PLXNB1: variants seen among roughly 807,000 people sequenced by gnomAD.
PLXNB1 encodes plexin-B1.
PLXNB1 carries 106 observed loss-of-function variants against 209.4 expected under a neutral mutation model. The ratio of observed to expected loss-of-function variants is 0.51; its 90% CI spans 0.43 to 0.59. The LOEUF is 0.59. Ranked by LOEUF, PLXNB1 falls within the 20% of genes least tolerant of loss-of-function variation. PLXNB1 has a pLI of 0.00. For missense variants in PLXNB1, 2,357 were observed against 2,853.2 expected (o/e 0.83, Z 3.96); for synonymous variants, 1,167 against 1,183.2 (o/e 0.99, Z 0.28).
chr3:48,420,242 G>C lies in PLXNB1; in HGVS notation c.2044C>G (p.Pro682Ala). The change falls in exon 11 of 38, where the codon CCA becomes GCA. Residue 682 changes from proline (P) to alanine (A), a missense_variant. Coordinates refer to ENST00000296440, the MANE Select transcript of PLXNB1 (RefSeq NM_001130082.3). ...VASHQSPLVS[P>A]DPPARGGPSP... ...GGTCCACCTCTTGCAGGAGGGTCTGGGGAGACAAGCGGGCTCTGAAGGGGG... is the reference window on the plus strand; with the variant it reads ...GGTCCACCTCTTGCAGGAGGGTCTGCGGAGACAAGCGGGCTCTGAAGGGGG... The C allele has an allele frequency of 6.5e-7, 1 of 1,547,080 alleles. No individual in the cohort carries two copies. The highest frequency in any genetic ancestry group is 8.7e-7 in the Non-Finnish European group (1 of 1,145,628).
rs868559987 is a variant in PLXNB1, at chr3:48,419,822, T to C, written c.2464A>G (p.Thr822Ala). The change falls in exon 11 of 38, where the codon ACT becomes GCT. Residue 822 changes from threonine to alanine, a missense_variant. By Grantham distance (58) the Thr-to-Ala change is moderately conservative (BLOSUM62 0). Around this residue, in one of 7 missense-constraint regions of PLXNB1, gnomAD observed 410 missense variants for 401.0 expected, o/e 1.02. Coordinates refer to ENST00000296440, the MANE Select transcript of PLXNB1 (RefSeq NM_001130082.3). This position sits in a 1 kb window ranked among gnomAD's most constrained non-coding sequence, Gnocchi z 5.7. ...PTVPLDLPPATVPATTFPGAM... is the reference protein window; with the variant it reads ...PTVPLDLPPAAVPATTFPGAM... ...CCTGGGAAAGTGGTGGCAGGAACAGTGGCAGGGGGCAGGTCCAGGGGCACT... is the reference window on the plus strand; with the variant it reads ...CCTGGGAAAGTGGTGGCAGGAACAGCGGCAGGGGGCAGGTCCAGGGGCACT... 1.3e-6 allele frequency: 2 copies of C among 1,584,080 alleles called. No individual in the cohort carries two copies. The highest frequency in any genetic ancestry group is 1.7e-6 in the Non-Finnish European group (2 of 1,164,024).
At position 48,420,776 on chromosome 3, in the gene PLXNB1, G is replaced by A. The variant is rs751274722; in HGVS notation, c.1920-3C>T. ...GGCTGCTCACACAGGCCTGGCACCT[G>A]CACAGAGCACAGCCATGGGGCAAGG... On this transcript the variant is annotated splice_polypyrimidine_tract_variant and splice_region_variant and intron_variant, in intron 9 of 37. Transcript: ENST00000296440. 6.2e-7 allele frequency: 1 copy of A among 1,613,780 alleles called. No individual in the cohort carries two copies. Among genetic ancestry groups the A allele is most frequent in the South Asian group, 1.1e-5 (1 of 91,066 alleles).
rs1389897056 is a variant in PLXNB1, at chr3:48,419,706, T to C, written c.2580A>G (p.Ala860=). 2 of 1,611,870 alleles carry C rather than the reference T, an allele frequency of 1.2e-6. No homozygotes were observed. Among genetic ancestry groups the C allele is most frequent in the Non-Finnish European group, 1.7e-6 (2 of 1,179,772 alleles). The change falls in exon 11 of 38, where the codon GCA becomes GCG. Residue 860 remains alanine, a synonymous_variant. Transcript: ENST00000296440. The surrounding 1 kb of genome is among the most constrained non-coding windows in gnomAD (Gnocchi z 5.7). ...GGAGGGTGGAAGTGGAGAAGGCGGG[T>C]GCGTCACCCCCCGTCCACTCGTCCG... ...PEADEWTGGD[A]PAFSTSTLLS...
At chr3:48,404,752 C>T (rs559001788) in intron 37 of PLXNB1, among the ~76,000 whole-genome samples, 162 bp from the exon 38 acceptor site, 11 of 152,168 alleles carry the variant, frequency 7.2e-5, no homozygotes, top group African/African-American at 2.4e-4. Context: ...GCCTCGCTGG[C>T]GGGAGGGGTA....
intron 1 of PLXNB1, among the ~76,000 whole-genome samples, chr3:48,425,916 C>T (rs1245544594): frequency 6.6e-5 from 10 of 152,084 alleles, no homozygotes; most frequent in South Asian, 4.2e-4. Flanking sequence ...TCAAACACCA[C>T]ATGAAGACAC....
At position 48,416,497 on chromosome 3, in the gene PLXNB1, C is replaced by A; in HGVS notation, c.3375-46G>T. ...AGGGGGTGCCAGGCTGCATCAAGGG[C>A]CCCTCAAGCTTACCTGGCAGCCCCT... On this transcript the variant is annotated intron_variant, in intron 16 of 37. Transcript: ENST00000296440. The surrounding 1 kb of genome is among the most constrained non-coding windows in gnomAD (Gnocchi z 4.1). The A allele has an allele frequency of 1.5e-6, 2 of 1,363,630 alleles. No homozygotes were observed. Among genetic ancestry groups the A allele is most frequent in the South Asian group, 1.2e-5 (1 of 80,276 alleles). The allele number at this position is 1,363,630 out of a possible 1,614,324, so 84.5% of individuals were successfully genotyped here. A position where few individuals can be genotyped will look rare whatever the true frequency, so the allele number is the denominator to read the frequency against.
Position 48,415,563 on chromosome 3 carries a change from C to A in PLXNB1, c.3794+20G>T, listed in dbSNP as rs2038029488. 2.6e-6 allele frequency: 4 copies of A among 1,551,336 alleles called. No homozygotes were observed. Among genetic ancestry groups the A allele is most frequent in the East Asian group, 2.3e-5 (1 of 42,578 alleles). ...GACCTCCCTGCCACCTGCCATGCAG[C>A]CACACCCCTGGCCCAACACCTGAGG... On this transcript the variant is annotated intron_variant, in intron 19 of 37. Coordinates refer to ENST00000296440, the MANE Select transcript of PLXNB1 (RefSeq NM_001130082.3). The surrounding 1 kb of genome is among the most constrained non-coding windows in gnomAD (Gnocchi z 5.0).
At position 48,419,557 on chromosome 3, in the gene PLXNB1, C is replaced by T. The variant is rs1395034942; in HGVS notation, c.2709+20G>A. 5 of 1,589,566 alleles carry T rather than the reference C, an allele frequency of 3.1e-6. No individual in the cohort carries two copies. Among genetic ancestry groups the T allele is most frequent in the Non-Finnish European group, 3.4e-6 (4 of 1,162,576 alleles). ...CCCACATCCCCTCCCCTGAGGCCTCCTTCCTGGGCTGGGCCTCACCAGCTC... is the reference window on the plus strand; with the variant it reads ...CCCACATCCCCTCCCCTGAGGCCTCTTTCCTGGGCTGGGCCTCACCAGCTC... On this transcript the variant is annotated intron_variant, in intron 11 of 37. Transcript: ENST00000296440. This position sits in a 1 kb window ranked among gnomAD's most constrained non-coding sequence, Gnocchi z 5.7.
At chr3:48,412,408 C>A (rs1187307373) in intron 26 of PLXNB1, 34 bp downstream of exon 26, 1 of 1,611,782 alleles carries the variant, frequency 6.2e-7, no homozygotes, top group African/African-American at 1.3e-5. Context: ...CTCCAGCTGT[C>A]CAGGGCCCAC....
At chr3:48,420,305 G>A in intron 10 of PLXNB1, 48 bp from the exon 11 acceptor site, 1 of 1,153,250 alleles carries the variant, frequency 8.7e-7, no homozygotes, top group South Asian at 1.4e-5. Context: ...CAGCAGGCAG[G>A]CGCGGGACAG....
chr3:48,410,236 C>T lies in PLXNB1; in HGVS notation c.5605+60G>A. 4 of 1,492,702 alleles carry T rather than the reference C, an allele frequency of 2.7e-6. No homozygotes were observed. Among genetic ancestry groups the T allele is most frequent in the Non-Finnish European group, 3.7e-6 (4 of 1,094,386 alleles). 92.5% of individuals were successfully genotyped at this position (1,492,702 alleles called of 1,614,324 possible). A position where few individuals can be genotyped will look rare whatever the true frequency, so the allele number is the denominator to read the frequency against. ...CCTGCCCTGAGGCCCAGAGGACCTT[C>T]CCCATGACTCCGGGCTGGGCACAGC... On this transcript the variant is annotated intron_variant, in intron 31 of 37. Coordinates refer to ENST00000296440, the MANE Select transcript of PLXNB1 (RefSeq NM_001130082.3). The surrounding 1 kb of genome is among the most constrained non-coding windows in gnomAD (Gnocchi z 6.4).
chr3:48,420,628 A>AC (rs763486178), intron 10 of PLXNB1, 37 bp downstream of exon 10: 26 of 1,540,346 alleles, frequency 1.7e-5, no homozygotes, highest in African/African-American at 1.4e-5. Context: ...GGGACCCCCA[A>AC]CCCCCCCGGT....
Position 48,420,225 on chromosome 3 carries a change from T to A in PLXNB1, c.2061A>T (p.Arg687Ser), listed in dbSNP as rs1240718097. 3.9e-6 allele frequency: 6 copies of A among 1,551,968 alleles called. No homozygotes were observed. Among genetic ancestry groups the A allele is most frequent in the Non-Finnish European group, 5.2e-6 (6 of 1,148,224 alleles). The change falls in exon 11 of 38, where the codon AGA (arginine) becomes AGT (serine). Residue 687 changes from arginine (R) to serine (S), a missense_variant. Around this residue, in one of 7 missense-constraint regions of PLXNB1, gnomAD observed 214 missense variants for 297.1 expected, o/e 0.72. Transcript: ENST00000296440. ...SPLVSPDPPA[R>S]GGPSPSPPTA... The stretch of plus-strand genomic sequence containing the variant: ...TGGGTGGGGAGGGGCTGGGTCCACC[T>A]CTTGCAGGAGGGTCTGGGGAGACAA...
At chr3:48,424,724 C>A (rs1560076708) in intron 2 of PLXNB1, 107 bp from the exon 3 acceptor site, 3 of 1,189,434 alleles carry the variant, frequency 2.5e-6, no homozygotes, top group Non-Finnish European at 1.2e-6. Flanking sequence ...CTCCTCCTAA[C>A]CTAGGGGGTG....
At position 48,416,216 on chromosome 3, in the gene PLXNB1, G is replaced by C. The variant is rs1325562675; in HGVS notation, c.3481-49C>G. 6.3e-7 allele frequency: 1 copy of C among 1,581,632 alleles called. No homozygotes were observed. The highest frequency in any genetic ancestry group is 8.6e-7 in the Non-Finnish European group (1 of 1,161,084). ...ATGAGCATCAGACCAGACACATGGA[G>C]GCAGGGACAGCCTGAGAGACAGGCT... On this transcript the variant is annotated intron_variant, in intron 17 of 37. Transcript: ENST00000296440. This position sits in a 1 kb window ranked among gnomAD's most constrained non-coding sequence, Gnocchi z 4.1.
Position 48,422,209 on chromosome 3 carries a change from A to T in PLXNB1, c.1420-4T>A, listed in dbSNP as rs9883759. ...AAGCCACAGGAACCTTCAGAAGCTG[A>T]GACAGCAAAGAGGACCTGAGGCCAG... On this transcript the variant is annotated splice_region_variant and splice_polypyrimidine_tract_variant and intron_variant, in intron 5 of 37. Transcript: ENST00000296440. The T allele has an allele frequency of 0.57, 921,591 of 1,613,424 alleles. 266,943 individuals carry two copies. The highest frequency in any genetic ancestry group is 0.74 in the Admixed American group (44,594 of 59,982).
chr3:48,419,638 G>A lies in PLXNB1; in HGVS notation c.2648C>T (p.Ala883Val). The change falls in exon 11 of 38, where the codon GCC becomes GTC. Residue 883 changes from alanine to valine, a missense_variant. Coordinates refer to ENST00000296440, the MANE Select transcript of PLXNB1 (RefSeq NM_001130082.3). The surrounding 1 kb of genome is among the most constrained non-coding windows in gnomAD (Gnocchi z 5.7). ...GAGGCTGGACGGGAGGATGAGGGGG[G>A]CGGGAGGGCCCTCAAGCTCTGCTGA... is the stretch of plus-strand genomic sequence containing the variant. ...GDSAELEGPP[A>V]PLILPSSLDY... is the part of the protein sequence containing the mutation. The A allele has an allele frequency of 6.2e-7, 1 of 1,612,634 alleles. No individual in the cohort carries two copies. The highest frequency in any genetic ancestry group is 8.5e-7 in the Non-Finnish European group (1 of 1,179,948).
In PLXNB1 at chr3:48,405,085, T is replaced by G. The variant is rs566076378; in HGVS notation, c.6304-495A>C. Among the ~76,000 whole-genome samples, 2 of 152,186 alleles carry G rather than the reference T, an allele frequency of 1.3e-5. No individual in the cohort carries two copies. Among genetic ancestry groups the G allele is most frequent in the African/African-American group, 4.8e-5 (2 of 41,446 alleles). ...CCCACTATGTCTCCACAAGGGGACA[T>G]GCCTGCATCACACCCTGCCTCCCCC... On this transcript the variant is annotated intron_variant, in intron 37 of 37. Transcript: ENST00000296440. This position sits in a 1 kb window ranked among gnomAD's most constrained non-coding sequence, Gnocchi z 5.0.
In PLXNB1 at chr3:48,414,058, T is replaced by G; in HGVS notation, c.4223A>C (p.Asp1408Ala). 1.2e-6 allele frequency: 2 copies of G among 1,613,716 alleles called. No homozygotes were observed. Among genetic ancestry groups the G allele is most frequent in the Non-Finnish European group, 1.7e-6 (2 of 1,179,836 alleles). Reference sequence around the variant, plus strand: ...CACCTCCTCCTTGGACATTGCAAGGTCCAGGTTCTCCCCCTGGAACAGAGG... The same window carrying G: ...CACCTCCTCCTTGGACATTGCAAGGGCCAGGTTCTCCCCCTGGAACAGAGG... ...SVFSVEGENL[D>A]LAMSKEEVVA... is the part of the protein sequence containing the mutation. The change falls in exon 22 of 38, where the codon GAC becomes GCC. Residue 1408 changes from aspartate to alanine, a missense_variant. Coordinates refer to ENST00000296440, the MANE Select transcript of PLXNB1 (RefSeq NM_001130082.3).
Sources: gnomAD v4.1 joint callset for allele counts (sites outside exome capture counted in the v4.1 genomes callset) on GRCh38, gnomAD v4.1.1 for gene constraint, gnomAD v4.1.1 regional missense constraint, Gnocchi (gnomAD v3.1) non-coding constraint, MANE v1.5 for transcripts, NCBI Gene and HGNC (gene_info 2026-07-23, HGNC 2026-07-21) for gene names.